Variants in THSD7A observed in about 807,000 individuals in gnomAD.
THSD7A encodes the protein thrombospondin type-1 domain-containing protein 7A.
A neutral mutation model predicts 231.3 loss-of-function variants in THSD7A; 96 were observed. That is an observed-to-expected ratio of 0.41 (90% CI 0.35 to 0.49). THSD7A has a LOEUF of 0.49. Among genes scored for constraint, THSD7A ranks in the 20% least tolerant of loss-of-function variants. THSD7A has a pLI of 0.05. For synonymous variants in THSD7A, 940 were observed against 743.3 expected (o/e 1.26, Z -4.30); for missense variants, 2,290 against 2,070.2 (o/e 1.11, Z -2.06).
intron 6 of THSD7A, among the ~76,000 whole-genome samples, chr7:11,525,631 G>A (rs751927267): frequency 2.6e-5 from 4 of 152,052 alleles, no homozygotes; most frequent in South Asian, 2.1e-4. Context: ...TGTCAGAAGT[G>A]TATATGTATA....
At chr7:11,610,545 A>G (rs537187040) in intron 2 of THSD7A, among the ~76,000 whole-genome samples, 1 of 152,244 alleles carries the variant, frequency 6.6e-6, no homozygotes, top group Non-Finnish European at 1.5e-5. Context: ...TAACTCCTTA[A>G]TAAATGCTTG....
intron 4 of THSD7A, among the ~76,000 whole-genome samples, chr7:11,557,622 T>G (rs1320773272): frequency 3.9e-5 from 6 of 152,120 alleles, no homozygotes; most frequent in Admixed American, 1.3e-4. Flanking sequence ...TGCTCCAGAA[T>G]GGCAAAAGGG....
chr7:11,799,428 T>C (rs6972240), intron 1 of THSD7A, among the ~76,000 whole-genome samples: 15,704 of 152,220 alleles, frequency 0.1, 994 homozygotes, highest in African/African-American at 0.17. Flanking sequence ...CTACATCACA[T>C]TCTAAATCAT....
chr7:11,543,393 A>G (rs1789236682), intron 4 of THSD7A, among the ~76,000 whole-genome samples: 1 of 152,258 alleles, frequency 6.6e-6, no homozygotes, highest in South Asian at 2.1e-4. Flanking sequence ...AATGCTGAAT[A>G]TAACTTTCCT....
chr7:11,668,742 G>A (rs527681707), intron 1 of THSD7A, among the ~76,000 whole-genome samples: 50 of 152,210 alleles, frequency 3.3e-4, no homozygotes, highest in Admixed American at 5.2e-4. Flanking sequence ...AATAAGGAAC[G>A]GCGGGAGCAC....
rs199725275 is a variant in THSD7A, at chr7:11,495,289, T to C, written c.1823-13307A>G. Among the ~76,000 whole-genome samples, 8 of 152,194 alleles carry C rather than the reference T, an allele frequency of 5.3e-5. No homozygotes were observed. The East Asian group carries it at 1.2e-3, about 22-fold the overall frequency. ...GCTGTTTTATATCATATTTTTATAA[T>C]ATGTGGCTCAGAACAAATGCAGTAA... On this transcript the variant is annotated intron_variant, in intron 6 of 27. Transcript: ENST00000423059.
rs559901300 is a variant in THSD7A, at chr7:11,433,379, A to C, written c.3065-4254T>G. On this transcript the variant is annotated intron_variant, in intron 13 of 27. Coordinates refer to ENST00000423059, the MANE Select transcript of THSD7A (RefSeq NM_015204.3). The stretch of plus-strand genomic sequence containing the variant: ...TCTTCTTATTTTAGGGCCAGTAATC[A>C]CTTATTTTCTTTAAATAAGTTATAG... Among the ~76,000 whole-genome samples the C allele has an allele frequency of 3.7e-4, 57 of 152,144 alleles. 1 individual carries two copies. Among genetic ancestry groups the C allele is most frequent in the African/African-American group, 1.2e-3 (51 of 41,566 alleles).
At chr7:11,452,290 T>C (rs1248337371) in intron 11 of THSD7A, among the ~76,000 whole-genome samples, 1 of 152,010 alleles carries the variant, frequency 6.6e-6, no homozygotes, top group African/African-American at 2.4e-5. Context: ...AGAGACCTAA[T>C]TGTGCTTAGA....
chr7:11,821,697 G>A (rs972030839), intron 1 of THSD7A, among the ~76,000 whole-genome samples: 3 of 151,812 alleles, frequency 2.0e-5, no homozygotes, highest in Admixed American at 6.6e-5. Context: ...TCTCTCTGAC[G>A]TCCCCTGTGA....
intron 7 of THSD7A, among the ~76,000 whole-genome samples, chr7:11,480,690 G>A (rs75576817): frequency 0.011 from 1,607 of 151,980 alleles, 35 homozygotes; most frequent in African/African-American, 0.037. Context: ...AATGTTTTAC[G>A]CATGTAACAC....
chr7:11,666,486 C>G (rs951159859), intron 1 of THSD7A, among the ~76,000 whole-genome samples: 2 of 151,920 alleles, frequency 1.3e-5, no homozygotes, highest in African/African-American at 4.8e-5. Context: ...GGATGCTCCA[C>G]CTGTATTATA....
chr7:11,824,012 A>T (rs1449441165), intron 1 of THSD7A, among the ~76,000 whole-genome samples: 1 of 152,042 alleles, frequency 6.6e-6, no homozygotes, highest in African/African-American at 2.4e-5. Context: ...CAATGCACAA[A>T]ACAGAAACAA....
intron 1 of THSD7A, among the ~76,000 whole-genome samples, chr7:11,653,642 T>A (rs533552650): frequency 8.0e-4 from 122 of 151,934 alleles, no homozygotes; most frequent in Admixed American, 1.3e-3. Context: ...ACTACAGGCA[T>A]GTGTCATTGC....
At chr7:11,512,866 A>T (rs1787871837) in intron 6 of THSD7A, among the ~76,000 whole-genome samples, 1 of 149,930 alleles carries the variant, frequency 6.7e-6, no homozygotes. Context: ...AACATGGCAC[A>T]TGTATACATA....
Position 11,636,418 on chromosome 7 carries a change from G to A in THSD7A, c.734C>T (p.Pro245Leu). The change falls in exon 2 of 28, where the codon CCA (proline) becomes CTA (leucine). Residue 245 changes from proline to leucine, a missense_variant. Coordinates refer to ENST00000423059, the MANE Select transcript of THSD7A (RefSeq NM_015204.3). The surrounding 1 kb of genome is among the most constrained non-coding windows in gnomAD (Gnocchi z 10.0). ...GTACCTGAGCTCCTCGGCCTCGCATGGACTGGATTGGCACACCTGGAACTC... is the reference window on the plus strand; with the variant it reads ...GTACCTGAGCTCCTCGGCCTCGCATAGACTGGATTGGCACACCTGGAACTC... The part of the protein sequence containing the change: ...LTEFQVCQSS[P>L]CEAEELRYSL... The A allele has an allele frequency of 6.2e-7, 1 of 1,613,642 alleles. No homozygotes were observed. The highest frequency in any genetic ancestry group is 8.5e-7 in the Non-Finnish European group (1 of 1,179,856).
Position 11,447,327 on chromosome 7 carries a change from G to T in THSD7A, c.2703C>A (p.Ile901=), listed in dbSNP as rs1402018521. The T allele has an allele frequency of 4.6e-5, 74 of 1,612,708 alleles. No individual in the cohort carries two copies. Among genetic ancestry groups the T allele is most frequent in the Non-Finnish European group, 6.2e-5 (73 of 1,179,352 alleles). Residue 901 remains isoleucine, a synonymous_variant, in exon 12 of 28, where the codon ATC becomes ATA. Transcript: ENST00000423059. ...TCAATTGACAGTCATCCTGGCAGGG[G>T]ATCTGGCAGGCCTGGGTAAGGGCTG... ...PVPALTQACQ[I]PCQDDCQLTS...
chr7:11,667,411 G>A (rs892835995), intron 1 of THSD7A, among the ~76,000 whole-genome samples: 6 of 152,108 alleles, frequency 3.9e-5, no homozygotes, highest in South Asian at 2.1e-4. Flanking sequence ...CAACACGAGC[G>A]TTTGTACTTT....
At chr7:11,502,145 A>G (rs1583859995) in intron 6 of THSD7A, among the ~76,000 whole-genome samples, 1 of 152,266 alleles carries the variant, frequency 6.6e-6, no homozygotes, top group East Asian at 1.9e-4. Context: ...TAAAGAACCT[A>G]CTAAAAACAA....
chr7:11,404,641 G>A (rs1418287511), intron 22 of THSD7A, among the ~76,000 whole-genome samples: 2 of 152,196 alleles, frequency 1.3e-5, no homozygotes, highest in Non-Finnish European at 2.9e-5. Flanking sequence ...TATCAGACTA[G>A]TTTCAGCAGC....
Sources: gnomAD v4.1 joint callset for allele counts (sites outside exome capture counted in the v4.1 genomes callset) on GRCh38, gnomAD v4.1.1 for gene constraint, Gnocchi (gnomAD v3.1) non-coding constraint, MANE v1.5 for transcripts, NCBI Gene and HGNC (gene_info 2026-07-23, HGNC 2026-07-21) for gene names.